FHDC1: variants seen among roughly 807,000 people sequenced by gnomAD.
The protein encoded by FHDC1 is FH2 domain containing 1, also known as FH2 domain-containing protein 1.
A neutral mutation model predicts 52.6 loss-of-function variants in FHDC1; 25 were observed. The ratio of observed to expected loss-of-function variants is 0.48; its 90% confidence interval spans 0.35 to 0.66. The LOEUF (loss-of-function observed/expected upper bound fraction) is 0.66, where lower values mean the gene tolerates loss of function less well. Ranked by LOEUF, FHDC1 falls within the 30% of genes least tolerant of loss-of-function variation. The pLI, the probability that FHDC1 is intolerant of heterozygous loss-of-function variation, is 0.01. For synonymous variants in FHDC1, 616 were observed against 581.5 expected (o/e 1.06, Z -0.85); for missense variants, 1,459 against 1,452.8 (o/e 1.00, Z -0.07).
chr4:152,971,846 C>T (rs574884953), intron 10 of FHDC1, among the ~76,000 whole-genome samples: 8 of 152,084 alleles, frequency 5.3e-5, no homozygotes, highest in South Asian at 2.1e-4. Context: ...GGTTTAGGCA[C>T]GAGGGTTTTG....
Position 152,968,005 on chromosome 4 carries a change from G to A in FHDC1, c.1126G>A (p.Glu376Lys), listed in dbSNP as rs765654213. The part of the protein sequence containing the change: ...ARLSLENTEA[E>K]LHLLFVRTKS... Reference sequence around the variant, plus strand: ...ATTATCTCTGGAGAACACGGAGGCAGAACTGCACTTGCTGTTTGTCAGGAC... The same window carrying A: ...ATTATCTCTGGAGAACACGGAGGCAAAACTGCACTTGCTGTTTGTCAGGAC... Residue 376 changes from glutamate (E) to lysine (K), a missense_variant, in exon 10 of 12, where the codon GAA becomes AAA. By Grantham distance (56) the Glu-to-Lys change is moderately conservative. Coordinates refer to ENST00000511601, the MANE Select transcript of FHDC1 (RefSeq NM_001371116.1). 6.2e-7 allele frequency: 1 copy of A among 1,613,622 alleles called. No homozygotes were observed. Among genetic ancestry groups the A allele is most frequent in the African/African-American group, 1.3e-5 (1 of 74,888 alleles).
intron 10 of FHDC1, among the ~76,000 whole-genome samples, chr4:152,971,584 A>G (rs566920244): frequency 6.6e-6 from 1 of 152,318 alleles, no homozygotes; most frequent in African/African-American, 2.4e-5. Context: ...CTCTGTGTTG[A>G]GGCAGTACCA....
At position 152,957,888 on chromosome 4, in the gene FHDC1, T is replaced by TCCCAG. The variant is rs1740149500; in HGVS notation, c.664-2677_664-2676insCCCAG. On this transcript the variant is annotated intron_variant, in intron 4 of 11. Transcript: ENST00000511601. ...GAAATGAAACTCTGGGAGTGTGTTC[T>TCCCAG]TGTCCAGCACGGAGTTCCCAAGCCA... Among the ~76,000 whole-genome samples the TCCCAG allele has an allele frequency of 2.0e-5, 3 of 152,060 alleles. No individual in the cohort carries two copies. In the South Asian group the frequency reaches 6.2e-4, roughly 31 times the overall value.
intron 11 of FHDC1, among the ~76,000 whole-genome samples, chr4:152,973,148 A>G (rs1165174768): frequency 2.6e-5 from 4 of 152,230 alleles, no homozygotes; most frequent in Admixed American, 1.3e-4. Flanking sequence ...GGTTTAATGT[A>G]GAAGCCAGAA....
At chr4:152,917,452 A>T in the FHDC1 span, among the ~76,000 whole-genome samples, 46 of 152,330 alleles carry the variant, frequency 3.0e-4, no homozygotes, top group African/African-American at 1.1e-3. Context: ...TTAACTCTTT[A>T]AAGCATTCCT....
the FHDC1 span, among the ~76,000 whole-genome samples, chr4:152,923,192 C>T: frequency 6.6e-6 from 1 of 152,168 alleles, no homozygotes; most frequent in Non-Finnish European, 1.5e-5. Context: ...ACAAAAATCA[C>T]AAGCATTCTT....
rs1454318077 is a variant in FHDC1 at position 152,977,650 on chromosome 4, A to C, written c.*927A>C. On this transcript the variant is annotated 3_prime_UTR_variant, in exon 12 of 12. Coordinates refer to ENST00000511601, the MANE Select transcript of FHDC1 (RefSeq NM_001371116.1). ...TTATCTTTTGTAGAGATGGGATCTC[A>C]CTATGTTGCTCAGGCTGATCTCGAG... 1 of 151,588 alleles carries C rather than the reference A, an allele frequency of 6.6e-6. No homozygotes were observed. The highest frequency in any genetic ancestry group is 1.5e-5 in the Non-Finnish European group (1 of 67,974). 9.4% of individuals were successfully genotyped at this position (151,588 alleles called of 1,614,324 possible). A position where few individuals can be genotyped will look rare whatever the true frequency, so the allele number is the denominator to read the frequency against.
intron 2 of FHDC1, among the ~76,000 whole-genome samples, chr4:152,945,667 G>A (rs541083078): frequency 6.6e-6 from 1 of 152,220 alleles, no homozygotes; most frequent in Admixed American, 6.5e-5. Context: ...ATTTTGGCCC[G>A]GCTGGTCTCG....
intron 1 of FHDC1, among the ~76,000 whole-genome samples, chr4:152,941,652 G>A (rs1739574461): frequency 6.6e-6 from 1 of 152,152 alleles, no homozygotes; most frequent in African/African-American, 2.4e-5. Context: ...TATTCCCAAG[G>A]CAGCCCTGCC....
At chr4:152,911,360 A>T in the FHDC1 span, 2 of 152,544 alleles carry the variant, frequency 1.3e-5, no homozygotes, top group South Asian at 4.1e-4. Flanking sequence ...AAACAGAAAG[A>T]TTCTTTGATT....
At chr4:152,915,392 G>A in the FHDC1 span, among the ~76,000 whole-genome samples, 1 of 152,234 alleles carries the variant, frequency 6.6e-6, no homozygotes, top group Admixed American at 6.5e-5. Context: ...TGGGATTACA[G>A]GCGTGAGCCA....
chr4:152,959,941 A>ACATTGGT (rs34461196), intron 4 of FHDC1, among the ~76,000 whole-genome samples: 5 of 151,274 alleles, frequency 3.3e-5, no homozygotes, highest in African/African-American at 1.2e-4. Flanking sequence ...GGCAATCTTA[A>ACATTGGT]CGTCCCGTTG....
upstream of FHDC1, among the ~76,000 whole-genome samples, chr4:152,933,710 C>T (rs958194423): frequency 4.7e-5 from 6 of 126,830 alleles, no homozygotes; most frequent in Admixed American, 1.9e-4. Context: ...TCCAGCCTGG[C>T]GACAGTGAGA....
chr4:152,928,677 A>C, the FHDC1 span, among the ~76,000 whole-genome samples: 3 of 152,182 alleles, frequency 2.0e-5, no homozygotes, highest in African/African-American at 4.8e-5. Context: ...ATGTGGGGGA[A>C]GAGAACTGAC....
At chr4:152,968,145 C>G (rs2149957220) in intron 10 of FHDC1, 48 bp downstream of exon 10, 1 of 1,369,448 alleles carries the variant, frequency 7.3e-7, no homozygotes, top group Admixed American at 2.0e-5. Flanking sequence ...CTCCCAGCAG[C>G]ACCCCGGGGC....
chr4:152,973,689 G>C (rs1740747167), intron 11 of FHDC1, among the ~76,000 whole-genome samples: 1 of 152,250 alleles, frequency 6.6e-6, no homozygotes, highest in Non-Finnish European at 1.5e-5. Context: ...AGAGTCCCCG[G>C]CTAGAGCCCC....
At chr4:152,936,929 G>A (rs917860563) in intron 1 of FHDC1, among the ~76,000 whole-genome samples, 1 of 152,246 alleles carries the variant, frequency 6.6e-6, no homozygotes, top group Non-Finnish European at 1.5e-5. Flanking sequence ...GGCGGTGGCG[G>A]GGACCTAGTG....
chr4:152,965,727 C>T (rs1188295564), intron 9 of FHDC1, among the ~76,000 whole-genome samples: 2 of 152,190 alleles, frequency 1.3e-5, no homozygotes, highest in Non-Finnish European at 2.9e-5. Context: ...TGTCAAGCTG[C>T]TGACATACAT....
At chr4:152,956,945 T>G (rs1263570353) in intron 4 of FHDC1, among the ~76,000 whole-genome samples, 1 of 152,006 alleles carries the variant, frequency 6.6e-6, no homozygotes, top group African/African-American at 2.4e-5. Context: ...ATCTGTGCTG[T>G]GGGAGGGGGT....
Sources: gnomAD v4.1 joint callset for allele counts (sites outside exome capture counted in the v4.1 genomes callset) on GRCh38, gnomAD v4.1.1 for gene constraint, MANE v1.5 for transcripts, NCBI Gene and HGNC (gene_info 2026-07-23, HGNC 2026-07-21) for gene names.